Variants in IMMP2L observed in about 807,000 individuals in gnomAD.
IMMP2L encodes the protein mitochondrial inner membrane protease subunit 2.
In IMMP2L, 18 loss-of-function variants were observed where a neutral mutation model predicts 19.3. The observed-to-expected ratio is 0.93, with a 90% CI of 0.64 to 1.38. The LOEUF (loss-of-function observed/expected upper bound fraction) is 1.38, where lower values mean the gene tolerates loss of function less well. Ranked by LOEUF, IMMP2L falls within the 40% of genes most tolerant of loss-of-function variation. The probability of loss-of-function intolerance (pLI) is 0.00; values close to 1 mark genes in which losing one functional copy is unlikely to be tolerated. For synonymous variants in IMMP2L, 76 were observed against 73.0 expected, an observed-to-expected ratio of 1.04 and a Z score of -0.21; for missense variants, 233 against 218.2, an observed-to-expected ratio of 1.07 and a Z score of -0.43.
At chr7:110,812,029 C>T (rs191072475) in intron 5 of IMMP2L, among the ~76,000 whole-genome samples, 7 of 152,080 alleles carry the variant, frequency 4.6e-5, no homozygotes, top group African/African-American at 9.6e-5. Flanking sequence ...CATATGTACT[C>T]GTCCAACCTT....
chr7:111,051,593 C>A (rs1793012345), intron 3 of IMMP2L, among the ~76,000 whole-genome samples: 1 of 152,126 alleles, frequency 6.6e-6, no homozygotes, highest in Non-Finnish European at 1.5e-5. Flanking sequence ...ATTTGAAAAT[C>A]TCCTGGGGAA....
intron 3 of IMMP2L, among the ~76,000 whole-genome samples, chr7:111,299,725 T>G (rs1224155404): frequency 6.6e-6 from 1 of 152,078 alleles, no homozygotes; most frequent in African/African-American, 2.4e-5. Context: ...AGGAATCTCA[T>G]GTGTGAATTT....
At chr7:111,451,562 T>G (rs1409948025) in intron 3 of IMMP2L, among the ~76,000 whole-genome samples, 8 of 58,936 alleles carry the variant, frequency 1.4e-4, no homozygotes, top group East Asian at 1.2e-3. Context: ...GGGACTGTGG[T>G]GGGGAGGGGG....
chr7:110,934,273 T>C (rs896708707), intron 4 of IMMP2L, among the ~76,000 whole-genome samples: 7 of 152,190 alleles, frequency 4.6e-5, no homozygotes, highest in Non-Finnish European at 7.4e-5. Flanking sequence ...GTTGTCAATT[T>C]TAGAATAAGT....
intron 3 of IMMP2L, among the ~76,000 whole-genome samples, chr7:111,149,053 G>A (rs1337081025): frequency 6.6e-6 from 1 of 152,084 alleles, no homozygotes; most frequent in Non-Finnish European, 1.5e-5. Flanking sequence ...CTGTGCTGCT[G>A]CTGTAATAAA....
intron 3 of IMMP2L, among the ~76,000 whole-genome samples, chr7:111,362,473 T>C (rs1269568153): frequency 6.6e-6 from 1 of 151,896 alleles, no homozygotes; most frequent in Non-Finnish European, 1.5e-5. Context: ...TTCACATACA[T>C]TTTTTTTCTA....
intron 5 of IMMP2L, among the ~76,000 whole-genome samples, chr7:110,685,349 C>A (rs1361757353): frequency 1.3e-5 from 2 of 152,142 alleles, no homozygotes; most frequent in Non-Finnish European, 2.9e-5. Context: ...ATCAACTCTG[C>A]AAGACTGCCA....
intron 3 of IMMP2L, among the ~76,000 whole-genome samples, chr7:111,196,432 C>T: frequency 6.6e-6 from 1 of 152,130 alleles, no homozygotes; most frequent in Non-Finnish European, 1.5e-5. Context: ...TAAACTAGAA[C>T]AATGTGGTAT....
intron 3 of IMMP2L, among the ~76,000 whole-genome samples, chr7:111,147,087 G>A (rs1803557002): frequency 6.6e-6 from 1 of 151,840 alleles, no homozygotes; most frequent in Non-Finnish European, 1.5e-5. Context: ...CTTTTTCTTA[G>A]ATGCTAATCT....
At chr7:111,226,035 G>A (rs1216639155) in intron 3 of IMMP2L, among the ~76,000 whole-genome samples, 1 of 152,070 alleles carries the variant, frequency 6.6e-6, no homozygotes, top group Non-Finnish European at 1.5e-5. Flanking sequence ...TCATACTCCA[G>A]AGCTCTCATG....
intron 5 of IMMP2L, among the ~76,000 whole-genome samples, chr7:110,764,894 A>C (rs761479360): frequency 2.6e-5 from 4 of 152,112 alleles, no homozygotes; most frequent in African/African-American, 7.2e-5. Flanking sequence ...TGTTATTAAA[A>C]ACATTAAAAA....
intron 3 of IMMP2L, among the ~76,000 whole-genome samples, chr7:111,003,311 C>A (rs1327534605): frequency 1.3e-5 from 2 of 151,984 alleles, no homozygotes; most frequent in African/African-American, 4.8e-5. Flanking sequence ...TTTCTTATCA[C>A]ATAGTATATA....
intron 3 of IMMP2L, among the ~76,000 whole-genome samples, chr7:111,182,388 T>C (rs1322962620): frequency 1.3e-5 from 2 of 151,908 alleles, no homozygotes; most frequent in Non-Finnish European, 2.9e-5. Context: ...TCAAAAGAAT[T>C]TGGTTGTAGA....
intron 5 of IMMP2L, among the ~76,000 whole-genome samples, chr7:110,696,835 G>C (rs577580453): frequency 6.6e-6 from 1 of 152,174 alleles, no homozygotes; most frequent in East Asian, 1.9e-4. Flanking sequence ...TTGGGGGGAC[G>C]GATGGGTAAT....
Position 111,379,150 on chromosome 7 carries a change from G to C in IMMP2L, c.239+108088C>G, listed in dbSNP as rs182513537. Reference sequence around the variant, plus strand: ...AATACGTGACATTTGTACACTGTAAGAGAAGACCAGAATTGCCAATAAAAT... The same window carrying C: ...AATACGTGACATTTGTACACTGTAACAGAAGACCAGAATTGCCAATAAAAT... On this transcript the variant is annotated intron_variant, in intron 3 of 5. Coordinates refer to ENST00000405709, the MANE Select transcript of IMMP2L (RefSeq NM_032549.4). 2.2e-4 allele frequency among the ~76,000 whole-genome samples: 31 copies of C among 141,680 alleles called. 1 individual carries two copies. Among genetic ancestry groups the C allele is most frequent in the East Asian group, 2.1e-3 (10 of 4,766 alleles). The allele number at this position is 141,680 out of a possible 152,430, so 92.9% of individuals were successfully genotyped here.
chr7:111,163,198 G>C (rs1805456224), intron 3 of IMMP2L, among the ~76,000 whole-genome samples: 1 of 152,002 alleles, frequency 6.6e-6, no homozygotes, highest in Admixed American at 6.6e-5. Context: ...CCAACTTCGA[G>C]TGGGCACCTT....
chr7:111,115,159 G>A (rs214872), intron 3 of IMMP2L, among the ~76,000 whole-genome samples: 13,346 of 152,096 alleles, frequency 0.088, 1,304 homozygotes, highest in African/African-American at 0.24. Context: ...AGGTTAAAAA[G>A]GCAAATCAGG....
At chr7:111,159,733 G>A (rs543516380) in intron 3 of IMMP2L, among the ~76,000 whole-genome samples, 1 of 152,124 alleles carries the variant, frequency 6.6e-6, no homozygotes, top group Admixed American at 6.6e-5. Context: ...AGTCATATAT[G>A]TAATATTAAG....
chr7:111,053,932 A>G (rs1173588074), intron 3 of IMMP2L, among the ~76,000 whole-genome samples: 1 of 152,190 alleles, frequency 6.6e-6, no homozygotes, highest in Admixed American at 6.5e-5. Context: ...CAAGTTCTTT[A>G]TGGTAGTGAG....
Sources: allele counts gnomAD v4.1 joint callset (sites outside exome capture counted in the v4.1 genomes callset), GRCh38; gene constraint gnomAD v4.1.1; transcripts MANE v1.5; gene names NCBI Gene and HGNC (gene_info 2026-07-23, HGNC 2026-07-21).